The following MAPK9 variants were observed in gnomAD, a reference collection of about 807,000 sequenced individuals.
MAPK9 encodes Jun kinase.
Under a neutral mutation model 57.1 loss-of-function variants are expected in MAPK9, and 30 were observed. The observed-to-expected ratio is 0.53, with a 90% CI of 0.39 to 0.71. MAPK9 has a LOEUF of 0.71. MAPK9 is among the 30% of genes least tolerant of loss of function. MAPK9 has a pLI of 0.00. For synonymous variants in MAPK9, 155 were observed against 177.0 expected, an observed-to-expected ratio of 0.88 and a Z score of 0.99; for missense variants, 362 against 521.0, an observed-to-expected ratio of 0.69 and a Z score of 2.97.
intron 5 of MAPK9, among the ~76,000 whole-genome samples, chr5:180,257,410 T>A (rs1186727033): frequency 6.6e-6 from 1 of 152,374 alleles, no homozygotes; most frequent in Non-Finnish European, 1.5e-5. Flanking sequence ...CAGATTTCAG[T>A]TCAGCAAAAA....
rs375597081 is a variant in MAPK9 at position 180,282,831 on chromosome 5, G to A, written c.-47-2223C>T. On this transcript the variant is annotated intron_variant, in intron 1 of 11. Transcript: ENST00000452135. Reference sequence around the variant, plus strand: ...GGACACTCGCCTGCCCTCAGTGAGCGCACACTCAGGAGGAGGCCCTGCACA... The same window carrying A: ...GGACACTCGCCTGCCCTCAGTGAGCACACACTCAGGAGGAGGCCCTGCACA... Among the ~76,000 whole-genome samples the A allele has an allele frequency of 3.9e-5, 6 of 152,310 alleles. No homozygotes were observed. In the South Asian group the frequency reaches 8.3e-4, roughly 21 times the overall value.
chr5:180,284,950 G>A (rs1329705876), intron 1 of MAPK9, among the ~76,000 whole-genome samples: 3 of 152,156 alleles, frequency 2.0e-5, no homozygotes. Context: ...GGCAAGTAGA[G>A]AAATAGTGGG....
intron 2 of MAPK9, among the ~76,000 whole-genome samples, chr5:180,274,838 C>A (rs753470390): frequency 5.1e-4 from 77 of 152,096 alleles, no homozygotes; most frequent in Non-Finnish European, 1.2e-4. Flanking sequence ...GTTTTGGGCT[C>A]TTCTACCATT....
At chr5:180,248,021 T>C in intron 6 of MAPK9, 1 of 1,187,436 alleles carries the variant, frequency 8.4e-7, no homozygotes, top group South Asian at 1.4e-5. Context: ...GTCACTAGCT[T>C]GCCGGCGGGA....
rs532469970 is a variant in MAPK9, at chr5:180,247,834, C to T, written c.617-324G>A. ...CACCCCAGCCTCCATGGCCAAGTAC[C>T]GGGTCCCCTGTGAAGGATACAGTCT... is the stretch of plus-strand genomic sequence containing the variant. On this transcript the variant is annotated intron_variant, in intron 6 of 11. Transcript: ENST00000452135. This position sits in a 1 kb window ranked among gnomAD's most constrained non-coding sequence, Gnocchi z 4.5. The T allele has an allele frequency of 1.7e-5, 28 of 1,613,552 alleles. No homozygotes were observed. Among genetic ancestry groups the T allele is most frequent in the Middle Eastern group, 1.7e-4 (1 of 6,058 alleles).
intron 1 of MAPK9, among the ~76,000 whole-genome samples, chr5:180,287,767 G>A (rs1351671909): frequency 6.6e-6 from 1 of 152,144 alleles, no homozygotes; most frequent in African/African-American, 2.4e-5. Context: ...AAACCATGCT[G>A]GGCATGCCCC....
intron 2 of MAPK9, among the ~76,000 whole-genome samples, chr5:180,270,437 T>C (rs1254872766): frequency 1.3e-5 from 2 of 152,232 alleles, no homozygotes; most frequent in African/African-American, 4.8e-5. Context: ...CAGGTTCATA[T>C]GCAAATTGCA....
intron 1 of MAPK9, among the ~76,000 whole-genome samples, chr5:180,288,099 A>C (rs1252997446): frequency 6.6e-6 from 1 of 152,204 alleles, no homozygotes. Context: ...CTAGATAAGA[A>C]GTGCACAGCC....
In MAPK9 at chr5:180,235,464, T is replaced by C. The variant is rs1057461412; in HGVS notation, c.*920A>G. 1 of 152,220 alleles carries C rather than the reference T, an allele frequency of 6.6e-6. No individual in the cohort carries two copies. The highest frequency in any genetic ancestry group is 2.4e-5 in the African/African-American group (1 of 41,454). 9.4% of individuals were successfully genotyped at this position (152,220 alleles called of 1,614,324 possible). ...GATCTCTAGTGAGCATTTTGTAAAA[T>C]TCCACTCCAACGTTAGGCCATGGAT... On this transcript the variant is annotated 3_prime_UTR_variant, in exon 12 of 12. Coordinates refer to ENST00000452135, the MANE Select transcript of MAPK9 (RefSeq NM_002752.5).
At chr5:180,242,437 G>A (rs1757744837) in intron 8 of MAPK9, 136 bp downstream of exon 8, 1 of 727,564 alleles carries the variant, frequency 1.4e-6, no homozygotes, top group Non-Finnish European at 2.2e-6. Flanking sequence ...TCTCTCCTCA[G>A]TGCCTTCGTA....
chr5:180,275,054 C>G (rs1761689537), intron 2 of MAPK9, among the ~76,000 whole-genome samples: 1 of 152,140 alleles, frequency 6.6e-6, no homozygotes, highest in Non-Finnish European at 1.5e-5. Flanking sequence ...GCCTTTATCA[C>G]CTTGAACGTA....
intron 4 of MAPK9, 74 bp downstream of exon 4, chr5:180,264,707 A>G (rs1029180326): frequency 1.4e-6 from 2 of 1,380,566 alleles, no homozygotes; most frequent in Admixed American, 5.8e-5. Flanking sequence ...CCTAAGTATA[A>G]AAAGCAGTTG....
At chr5:180,246,351 CTA>C (rs1267843486) in intron 7 of MAPK9, 1 of 151,898 alleles carries the variant, frequency 6.6e-6, no homozygotes, top group Non-Finnish European at 1.5e-5. Flanking sequence ...ATTATATAAT[CTA>C]TGATATAGAA....
chr5:180,241,227 A>C (rs1196460823), intron 8 of MAPK9, 72 bp from the exon 9 acceptor site: 9 of 1,366,152 alleles, frequency 6.6e-6, no homozygotes, highest in Non-Finnish European at 9.1e-6. Context: ...AAAGAACTAA[A>C]TATGACAACA....
intron 4 of MAPK9, among the ~76,000 whole-genome samples, chr5:180,262,279 C>G (rs951209133): frequency 6.6e-6 from 1 of 152,102 alleles, no homozygotes; most frequent in Non-Finnish European, 1.5e-5. Flanking sequence ...ACAATATATA[C>G]GTTTTTAAAA....
In MAPK9 at chr5:180,241,031, G is replaced by A. The variant is rs560961564; in HGVS notation, c.996C>T (p.Ala332=). The A allele has an allele frequency of 9.9e-6, 16 of 1,610,958 alleles. No homozygotes were observed. Among genetic ancestry groups the A allele is most frequent in the Admixed American group, 3.4e-5 (2 of 59,434 alleles). The change falls in exon 9 of 12, where the codon GCC becomes GCT. Residue 332 remains alanine, a splice_region_variant and synonymous_variant. Transcript: ENST00000452135. ...AAATCTTTTCAAAACAGATACTCAC[G>A]GCTTCTGCTTCGGCGGGGTCATACC... ...TVWYDPAEAE[A]PPPQIYDAQL...
At chr5:180,280,399 G>A (rs778378307) in intron 2 of MAPK9, 41 bp downstream of exon 2, 2 of 1,585,620 alleles carry the variant, frequency 1.3e-6, no homozygotes, top group Non-Finnish European at 1.7e-6. Flanking sequence ...TTTTATTACA[G>A]CAAAAACTCA....
chr5:180,248,407 ATAAG>A (rs2127582197), intron 6 of MAPK9, among the ~76,000 whole-genome samples: 1 of 152,398 alleles, frequency 6.6e-6, no homozygotes, highest in African/African-American at 2.4e-5. Flanking sequence ...CTTTTTAAAA[ATAAG>A]TAAGCGTGAT....
chr5:180,241,028 C>T lies in MAPK9; in HGVS notation c.996+3G>A, dbSNP rs747844190. 6.2e-7 allele frequency: 1 copy of T among 1,611,102 alleles called. No homozygotes were observed. The highest frequency in any genetic ancestry group is 1.1e-5 in the South Asian group (1 of 90,462). On this transcript the variant is annotated splice_donor_region_variant and intron_variant, in intron 9 of 11. Transcript: ENST00000452135. ...TATAAATCTTTTCAAAACAGATACT[C>T]ACGGCTTCTGCTTCGGCGGGGTCAT...
Sources: gnomAD v4.1 joint callset for allele counts (sites outside exome capture counted in the v4.1 genomes callset) on GRCh38, gnomAD v4.1.1 for gene constraint, Gnocchi (gnomAD v3.1) non-coding constraint, MANE v1.5 for transcripts, NCBI Gene and HGNC (gene_info 2026-07-23, HGNC 2026-07-21) for gene names.